The following KIF3A variants were observed in gnomAD, a reference collection of about 807,000 sequenced individuals.
KIF3A encodes kinesin family member 3A, also known as kinesin-like protein KIF3A.
A neutral mutation model predicts 92.6 loss-of-function variants in KIF3A; 27 were observed. That is an observed-to-expected ratio of 0.29 (90% confidence interval 0.21 to 0.40). The LOEUF (loss-of-function observed/expected upper bound fraction) is 0.40. Ranked by LOEUF, KIF3A falls within the 10% of genes least tolerant of loss-of-function variation. KIF3A has a pLI of 1.00. For missense variants in KIF3A, 581 were observed against 872.6 expected, an observed-to-expected ratio of 0.67 and a Z score of 4.21; for synonymous variants, 250 against 275.4, an observed-to-expected ratio of 0.91 and a Z score of 0.92.
chr5:132,726,086 T>C (rs1754023929), intron 4 of KIF3A, 42 bp downstream of exon 4: 2 of 1,409,136 alleles, frequency 1.4e-6, no homozygotes, highest in Non-Finnish European at 2.0e-6. Context: ...AAATATTCTA[T>C]TGCTTTGGAA....
At chr5:132,699,095 T>C (rs1752936104) in intron 18 of KIF3A, 76 bp downstream of exon 18, 1 of 1,385,812 alleles carries the variant, frequency 7.2e-7, no homozygotes, top group South Asian at 1.3e-5. Context: ...ACTAAATAAA[T>C]TTTAACTTCC....
At chr5:132,705,664 C>T (rs943696429) in intron 11 of KIF3A, among the ~76,000 whole-genome samples, 1 of 151,948 alleles carries the variant, frequency 6.6e-6, no homozygotes, top group African/African-American at 2.4e-5. Context: ...TTCATGAAGA[C>T]AATCAAAGAT....
Position 132,693,109 on chromosome 5 carries a change from A to T in KIF3A, c.*3525T>A, listed in dbSNP as rs1752713669. The T allele has an allele frequency of 6.6e-6, 1 of 151,566 alleles. No individual in the cohort carries two copies. Among genetic ancestry groups the T allele is most frequent in the African/African-American group, 2.4e-5 (1 of 41,202 alleles). 9.4% of individuals were successfully genotyped at this position (151,566 alleles called of 1,614,324 possible). On this transcript the variant is annotated 3_prime_UTR_variant, in exon 19 of 19. Coordinates refer to ENST00000403231, the MANE Select transcript of KIF3A (RefSeq NM_001300791.2). ...AAACCATAATCATAGTTTTAAAAAC[A>T]TGTTACAGAGGAAGTAGCACCACCC...
chr5:132,703,734 T>G, intron 11 of KIF3A, 115 bp from the exon 12 acceptor site: 1 of 669,230 alleles, frequency 1.5e-6, no homozygotes, highest in South Asian at 2.4e-5. Context: ...CAAAACCAAT[T>G]ATCAATATTT....
chr5:132,707,335 AC>A (rs1753248980), intron 10 of KIF3A, among the ~76,000 whole-genome samples: 1 of 152,180 alleles, frequency 6.6e-6, no homozygotes, highest in Non-Finnish European at 1.5e-5. Context: ...ACACACAGCA[AC>A]CACATGCTAG....
chr5:132,730,222 T>G (rs1320508209), intron 2 of KIF3A, among the ~76,000 whole-genome samples: 2 of 151,888 alleles, frequency 1.3e-5, no homozygotes, highest in African/African-American at 2.4e-5. Context: ...ATCCCAGCAC[T>G]CCGGGAGGCC....
Position 132,696,527 on chromosome 5 carries a change from A to T in KIF3A, c.*107T>A. The T allele has an allele frequency of 1.4e-6, 1 of 709,500 alleles. No homozygotes were observed. The highest frequency in any genetic ancestry group is 2.5e-5 in the East Asian group (1 of 39,814). The allele number at this position is 709,500 out of a possible 1,614,324, so 44.0% of individuals were successfully genotyped here. On this transcript the variant is annotated 3_prime_UTR_variant, in exon 19 of 19. Transcript: ENST00000403231. ...TTCCAGTCTTATTCATTGATCTACA[A>T]CTTCCATTAATTGAAATTATAGAGA...
Position 132,700,203 on chromosome 5 carries a change from T to A in KIF3A, c.2007+13A>T. ...TTTTGTGTTTTGTTTTGTTTTTTTT[T>A]AAGTACTCTTACATCTTTCTCCTTT... On this transcript the variant is annotated intron_variant, in intron 17 of 18. Coordinates refer to ENST00000403231, the MANE Select transcript of KIF3A (RefSeq NM_001300791.2). 6.8e-7 allele frequency: 1 copy of A among 1,470,536 alleles called. No homozygotes were observed. The allele number at this position is 1,470,536 out of a possible 1,614,324, so 91.1% of individuals were successfully genotyped here. A position where few individuals can be genotyped will look rare whatever the true frequency, so the allele number is the denominator to read the frequency against.
chr5:132,734,910 T>C (rs1190877604), intron 1 of KIF3A, among the ~76,000 whole-genome samples: 1 of 152,248 alleles, frequency 6.6e-6, no homozygotes, highest in Non-Finnish European at 1.5e-5. Flanking sequence ...ATCACGCATC[T>C]GTAAAATGGT....
At chr5:132,737,325 C>T (rs1163636835) in intron 1 of KIF3A, 89 bp downstream of exon 1, 2 of 1,464,670 alleles carry the variant, frequency 1.4e-6, no homozygotes, top group Admixed American at 4.3e-5. Flanking sequence ...GGCCGCCTGC[C>T]GGCTCCGCGC....
At chr5:132,701,960 G>T in intron 15 of KIF3A, 127 bp downstream of exon 15, 1 of 978,866 alleles carries the variant, frequency 1.0e-6, no homozygotes, top group Non-Finnish European at 1.5e-6. Flanking sequence ...GAAATGTGAT[G>T]GCATTTGTTC....
chr5:132,689,293 T>C (rs1390951288), downstream of KIF3A, among the ~76,000 whole-genome samples: 1 of 152,246 alleles, frequency 6.6e-6, no homozygotes, highest in African/African-American at 2.4e-5. Flanking sequence ...TAACTCCTTC[T>C]GTAAAGGCAC....
intron 4 of KIF3A, among the ~76,000 whole-genome samples, chr5:132,725,094 C>T (rs1753994431): frequency 6.6e-6 from 1 of 151,180 alleles, no homozygotes; most frequent in Admixed American, 6.6e-5. Context: ...ATTACTGGTA[C>T]AAAAATGGAA....
chr5:132,705,636 T>C (rs531011040), intron 11 of KIF3A, among the ~76,000 whole-genome samples: 5 of 152,144 alleles, frequency 3.3e-5, no homozygotes, highest in East Asian at 3.9e-4. Flanking sequence ...AAAAATCTTA[T>C]TGTGGTCTTG....
chr5:132,701,361 T>C (rs1753029797), intron 15 of KIF3A, among the ~76,000 whole-genome samples: 1 of 151,750 alleles, frequency 6.6e-6, no homozygotes, highest in Non-Finnish European at 1.5e-5. Context: ...TAGCTGGGTG[T>C]GGTGGTACAC....
At chr5:132,712,406 A>G (rs115013668) in intron 8 of KIF3A, among the ~76,000 whole-genome samples, 36 of 152,374 alleles carry the variant, frequency 2.4e-4, no homozygotes, top group African/African-American at 8.4e-4. Flanking sequence ...ATAAATAATG[A>G]TAACACTGGA....
At chr5:132,706,487 G>A (rs893249102) in intron 10 of KIF3A, 28 bp from the exon 11 acceptor site, 7 of 1,535,618 alleles carry the variant, frequency 4.6e-6, no homozygotes, top group South Asian at 2.4e-5. Flanking sequence ...TAAGCAAATC[G>A]CAGACAGGAA....
At position 132,716,739 on chromosome 5, in the gene KIF3A, TA is replaced by T. The variant is rs962134937; in HGVS notation, c.756+105del. 6 of 1,259,918 alleles carry T rather than the reference TA, an allele frequency of 4.8e-6. No homozygotes were observed. The Admixed American group carries it at 1.1e-4, about 22-fold the overall frequency. The allele number at this position is 1,259,918 out of a possible 1,614,324, so 78.0% of individuals were successfully genotyped here. ...TAATAAACATACACAAGTAACACCTTAAAAATCATATGTAAATCATACCTTT... is the reference window on the plus strand; with the variant it reads ...TAATAAACATACACAAGTAACACCTTAAAATCATATGTAAATCATACCTTT... On this transcript the variant is annotated intron_variant, in intron 6 of 18. Coordinates refer to ENST00000403231, the MANE Select transcript of KIF3A (RefSeq NM_001300791.2).
chr5:132,699,312 A>AAC lies in KIF3A; in HGVS notation c.2008-19_2008-18dup. On this transcript the variant is annotated splice_polypyrimidine_tract_variant and intron_variant, in intron 17 of 18. Transcript: ENST00000403231. ...CTCAAAGGGCTAAGTAAAAGAAACA[A>AAC]ACACAAAGCACTCTTAAGGCAAAGA... The AAC allele has an allele frequency of 5.0e-6, 8 of 1,611,616 alleles. No homozygotes were observed. Among genetic ancestry groups the AAC allele is most frequent in the Non-Finnish European group, 6.8e-6 (8 of 1,178,938 alleles).
Sources: gnomAD v4.1 joint callset for allele counts (sites outside exome capture counted in the v4.1 genomes callset) on GRCh38, gnomAD v4.1.1 for gene constraint, MANE v1.5 for transcripts, NCBI Gene and HGNC (gene_info 2026-07-23, HGNC 2026-07-21) for gene names.